The following NPFFR2 variants were observed in gnomAD, a reference collection of about 807,000 sequenced individuals.
NPFFR2 encodes the protein neuropeptide FF receptor 2.
A neutral mutation model predicts 13.1 loss-of-function variants in NPFFR2; 15 were observed. The observed-to-expected ratio is 1.15, with a 90% CI of 0.77 to 1.76. The LOEUF is 1.76. Among genes scored for constraint, NPFFR2 ranks in the 40% most tolerant of loss-of-function variants. The probability of loss-of-function intolerance (pLI) is 0.00; values close to 1 mark genes in which losing one functional copy is unlikely to be tolerated. For missense variants in NPFFR2, 572 were observed against 503.5 expected, an observed-to-expected ratio of 1.14 and a Z score of -1.30; for synonymous variants, 190 against 175.7, an observed-to-expected ratio of 1.08 and a Z score of -0.65.
At chr4:72,098,976 C>T (rs1306445064) in intron 1 of NPFFR2, among the ~76,000 whole-genome samples, 1 of 152,164 alleles carries the variant, frequency 6.6e-6, no homozygotes, top group East Asian at 1.9e-4. Flanking sequence ...GTCTGATTAG[C>T]ACTGTGGTAT....
chr4:72,070,737 T>C (rs1186559133), intron 1 of NPFFR2, among the ~76,000 whole-genome samples: 1 of 152,044 alleles, frequency 6.6e-6, no homozygotes, highest in Non-Finnish European at 1.5e-5. Context: ...TTCACACACT[T>C]TATAGGAAAA....
intron 1 of NPFFR2, among the ~76,000 whole-genome samples, chr4:72,121,340 CA>C (rs1381660672): frequency 1.3e-5 from 2 of 152,166 alleles, no homozygotes; most frequent in African/African-American, 4.8e-5. Flanking sequence ...GGATATTATC[CA>C]GGAGAACTTC....
chr4:72,072,078 A>C (rs974543634), intron 1 of NPFFR2, among the ~76,000 whole-genome samples: 5 of 152,126 alleles, frequency 3.3e-5, no homozygotes, highest in African/African-American at 1.2e-4. Flanking sequence ...ACAACAACAA[A>C]AAAAGCAGCA....
At chr4:72,033,181 T>C (rs1051315305) in intron 1 of NPFFR2, among the ~76,000 whole-genome samples, 1 of 152,188 alleles carries the variant, frequency 6.6e-6, no homozygotes, top group Non-Finnish European at 1.5e-5. Context: ...AATTAAACCA[T>C]AATAAATTGA....
intron 1 of NPFFR2, among the ~76,000 whole-genome samples, chr4:72,115,145 T>C (rs923766005): frequency 3.9e-5 from 6 of 152,162 alleles, no homozygotes; most frequent in African/African-American, 1.4e-4. Flanking sequence ...GTTTCTAAAC[T>C]TTTCCTATAA....
At position 72,032,139 on chromosome 4, in the gene NPFFR2, T is replaced by C. The variant is rs1421582129; in HGVS notation, c.-69T>C. On this transcript the variant is annotated 5_prime_UTR_variant, in exon 1 of 4. Coordinates refer to ENST00000308744, the MANE Select transcript of NPFFR2 (RefSeq NM_004885.3). ...CTGGAGCCGGAGCAGGGACAGAACC[T>C]GTTGCTGCAGACGGGCTTGGTGGAT... 3.1e-6 allele frequency: 5 copies of C among 1,613,876 alleles called. No individual in the cohort carries two copies. The highest frequency in any genetic ancestry group is 1.6e-4 in the Middle Eastern group (1 of 6,072).
chr4:72,118,279 A>G, intron 1 of NPFFR2, among the ~76,000 whole-genome samples: 1 of 152,200 alleles, frequency 6.6e-6, no homozygotes, highest in East Asian at 1.9e-4. Context: ...CTACCATAAG[A>G]CTATAATAAA....
At position 72,075,854 on chromosome 4, in the gene NPFFR2, T is replaced by A. The variant is rs139099273; in HGVS notation, c.-8+43654T>A. Among the ~76,000 whole-genome samples, 478 of 152,068 alleles carry A rather than the reference T, an allele frequency of 3.1e-3. 4 individuals carry two copies. Among genetic ancestry groups the A allele is most frequent in the African/African-American group, 0.011 (441 of 41,498 alleles). On this transcript the variant is annotated intron_variant, in intron 1 of 3. Coordinates refer to ENST00000308744, the MANE Select transcript of NPFFR2 (RefSeq NM_004885.3). ...TAGTTTTAGAGATGAATGGTGGTGA[T>A]GGTTGCACAACAATATGAATGTACT...
intron 3 of NPFFR2, among the ~76,000 whole-genome samples, chr4:72,140,904 G>T (rs1048180421): frequency 6.6e-6 from 1 of 151,916 alleles, no homozygotes; most frequent in African/African-American, 2.4e-5. Context: ...GACTTTTTTT[G>T]GTTGGTAAGC....
Position 72,146,826 on chromosome 4 carries a change from A to G in NPFFR2, c.429-152A>G, listed in dbSNP as rs566736908. On this transcript the variant is annotated intron_variant, in intron 3 of 3. Coordinates refer to ENST00000308744, the MANE Select transcript of NPFFR2 (RefSeq NM_004885.3). The stretch of plus-strand genomic sequence containing the variant: ...TATCTCATATCAATTACAGAAAATG[A>G]CAATGCATGCCTTTCTACTACAAAT... The G allele has an allele frequency of 3.5e-5, 21 of 607,706 alleles. 1 individual carries two copies. The highest frequency in any genetic ancestry group is 3.1e-4 in the South Asian group (14 of 44,838). The allele number at this position is 607,706 out of a possible 1,614,324, so 37.6% of individuals were successfully genotyped here. A position where few individuals can be genotyped will look rare whatever the true frequency, so the allele number is the denominator to read the frequency against.
chr4:72,080,160 T>C (rs1720566592), intron 1 of NPFFR2, among the ~76,000 whole-genome samples: 1 of 151,844 alleles, frequency 6.6e-6, no homozygotes, highest in East Asian at 1.9e-4. Flanking sequence ...GTTGTTGTTT[T>C]TTTGTTTTGT....
chr4:72,134,642 T>A (rs919687668), intron 2 of NPFFR2, among the ~76,000 whole-genome samples: 14 of 152,310 alleles, frequency 9.2e-5, no homozygotes, highest in African/African-American at 3.4e-4. Context: ...TTATTAAGGG[T>A]ATATTTTGAT....
chr4:72,068,886 C>A, intron 1 of NPFFR2: 1 of 651,342 alleles, frequency 1.5e-6, no homozygotes, highest in South Asian at 2.3e-5. Context: ...GCTCTAGACA[C>A]ATATGGTTTG....
At chr4:72,110,344 A>C (rs1020864700) in intron 1 of NPFFR2, among the ~76,000 whole-genome samples, 2 of 151,978 alleles carry the variant, frequency 1.3e-5, no homozygotes, top group African/African-American at 4.8e-5. Context: ...CAGTCAATTA[A>C]ACCTCTTTCC....
At chr4:72,091,354 A>G (rs1424688815) in intron 1 of NPFFR2, among the ~76,000 whole-genome samples, 1 of 152,148 alleles carries the variant, frequency 6.6e-6, no homozygotes, top group African/African-American at 2.4e-5. Context: ...AGAACGATTT[A>G]GGGAGGATTC....
chr4:72,132,029 C>T (rs1167958106), intron 2 of NPFFR2, among the ~76,000 whole-genome samples: 1 of 150,614 alleles, frequency 6.6e-6, no homozygotes, highest in Non-Finnish European at 1.5e-5. Context: ...ATTTTTAATT[C>T]AGGGGTACAT....
intron 1 of NPFFR2, among the ~76,000 whole-genome samples, chr4:72,113,801 G>A (rs1302820583): frequency 6.6e-6 from 1 of 152,086 alleles, no homozygotes; most frequent in African/African-American, 2.4e-5. Flanking sequence ...GTAGTCTCAG[G>A]TTCGAATAGA....
chr4:72,140,683 G>T (rs139856356), intron 3 of NPFFR2, among the ~76,000 whole-genome samples: 2 of 152,080 alleles, frequency 1.3e-5, no homozygotes, highest in African/African-American at 4.8e-5. Flanking sequence ...GAGGATTTCC[G>T]GATCGATGTT....
In NPFFR2 at chr4:72,147,996, T is replaced by C. The variant is rs1414304507; in HGVS notation, c.*184T>C. The C allele has an allele frequency of 1.9e-6, 1 of 513,250 alleles. No individual in the cohort carries two copies. 31.8% of individuals were successfully genotyped at this position (513,250 alleles called of 1,614,324 possible). On this transcript the variant is annotated 3_prime_UTR_variant, in exon 4 of 4. Coordinates refer to ENST00000308744, the MANE Select transcript of NPFFR2 (RefSeq NM_004885.3). ...CATAAGATCATAAACAATCTTATGT[T>C]GTATAAAAATACGTAGAGTGACTTA...
Sources: gnomAD v4.1 joint callset for allele counts (sites outside exome capture counted in the v4.1 genomes callset) on GRCh38, gnomAD v4.1.1 for gene constraint, MANE v1.5 for transcripts, NCBI Gene and HGNC (gene_info 2026-07-23, HGNC 2026-07-21) for gene names.